Variants in DLC1 observed in about 807,000 individuals in gnomAD.
The protein encoded by DLC1 is rho GTPase-activating protein 7.
In DLC1, 54 loss-of-function variants were observed where a neutral mutation model predicts 140.3. The ratio of observed to expected loss-of-function variants is 0.38; its 90% CI spans 0.31 to 0.48. The LOEUF (loss-of-function observed/expected upper bound fraction) is 0.48. DLC1 is among the 20% of genes least tolerant of loss of function. The probability of loss-of-function intolerance (pLI) is 0.96; values close to 1 mark genes in which losing one functional copy is unlikely to be tolerated. For synonymous variants in DLC1, 986 were observed against 728.1 expected, an observed-to-expected ratio of 1.35 and a Z score of -5.70; for missense variants, 2,536 against 1,907.0, an observed-to-expected ratio of 1.33 and a Z score of -6.14.
Position 13,217,929 on chromosome 8 carries a change from C to G in DLC1, c.1348+87340G>C, listed in dbSNP as rs146590444. Among the ~76,000 whole-genome samples, 570 of 152,080 alleles carry G rather than the reference C, an allele frequency of 3.7e-3. 3 individuals carry two copies. Among genetic ancestry groups the G allele is most frequent in the African/African-American group, 0.013 (528 of 41,502 alleles). On this transcript the variant is annotated intron_variant, in intron 5 of 17. Coordinates refer to ENST00000276297, the MANE Select transcript of DLC1 (RefSeq NM_182643.3). ...TTTTCTTGGGTCAAGGGCTTGCGTC[C>G]TCTTTGATTCCTTTTTGCTCACTCT...
intron 5 of DLC1, among the ~76,000 whole-genome samples, chr8:13,217,724 G>A (rs948164489): frequency 1.3e-5 from 2 of 151,926 alleles, no homozygotes; most frequent in African/African-American, 4.8e-5. Flanking sequence ...TGTAGTCCCA[G>A]CTACTTGGGA....
chr8:13,333,186 C>T (rs957997542), intron 4 of DLC1, among the ~76,000 whole-genome samples: 1 of 152,072 alleles, frequency 6.6e-6, no homozygotes, highest in East Asian at 1.9e-4. Context: ...CAATGTTATA[C>T]AAGATTTTCT....
intron 2 of DLC1, among the ~76,000 whole-genome samples, chr8:13,432,578 G>C (rs976187641): frequency 6.6e-6 from 1 of 152,118 alleles, no homozygotes; most frequent in African/African-American, 2.4e-5. Context: ...TCAATTTTAA[G>C]GTTGATTTTT....
chr8:13,251,093 C>A (rs569234628), intron 5 of DLC1, among the ~76,000 whole-genome samples: 1 of 152,232 alleles, frequency 6.6e-6, no homozygotes, highest in East Asian at 1.9e-4. Flanking sequence ...TAGACAGCCA[C>A]CTTCTTGTCT....
intron 5 of DLC1, among the ~76,000 whole-genome samples, chr8:13,126,712 G>T (rs1200281518): frequency 6.6e-6 from 1 of 152,088 alleles, no homozygotes; most frequent in Non-Finnish European, 1.5e-5. Context: ...ATTATTAAAA[G>T]TTGGCATACA....
chr8:13,258,220 C>G (rs188293754), intron 5 of DLC1, among the ~76,000 whole-genome samples: 5 of 152,270 alleles, frequency 3.3e-5, no homozygotes, highest in East Asian at 1.9e-4. Flanking sequence ...TCAAATACCC[C>G]CTCCTTCACA....
intron 2 of DLC1, among the ~76,000 whole-genome samples, chr8:13,453,509 T>TATAC (rs1799237132): frequency 3.0e-5 from 1 of 32,832 alleles, no homozygotes; most frequent in African/African-American, 1.5e-4. Flanking sequence ...TATGTATATA[T>TATAC]ATATACATAT....
At position 13,282,797 on chromosome 8, in the gene DLC1, C is replaced by T. The variant is rs915131833; in HGVS notation, c.1348+22472G>A. 1.5e-4 allele frequency among the ~76,000 whole-genome samples: 23 copies of T among 152,086 alleles called. 1 individual carries two copies. The highest frequency in any genetic ancestry group is 1.1e-3 in the Admixed American group (17 of 15,276). On this transcript the variant is annotated intron_variant, in intron 5 of 17. Transcript: ENST00000276297. ...AACTGCTTTAAAATTGTGGTTATTG[C>T]AATTCATACTAGCTGTTTTATGTGT...
intron 1 of DLC1, among the ~76,000 whole-genome samples, chr8:13,571,148 C>A (rs1423310691): frequency 2.0e-5 from 3 of 152,140 alleles, no homozygotes; most frequent in Admixed American, 1.3e-4. Flanking sequence ...AATACGAACA[C>A]CAAAGATAGT....
chr8:13,107,807 C>G (rs1044417611), intron 7 of DLC1, among the ~76,000 whole-genome samples: 19 of 152,252 alleles, frequency 1.2e-4, no homozygotes, highest in African/African-American at 4.6e-4. Flanking sequence ...ATCCCCAGCC[C>G]TTTGGGAGCC....
At chr8:13,490,157 T>C (rs1369288647) in intron 2 of DLC1, among the ~76,000 whole-genome samples, 1 of 152,204 alleles carries the variant, frequency 6.6e-6, no homozygotes. Flanking sequence ...ATAATGATGC[T>C]ATTTCAATAT....
At chr8:13,437,312 CTAGCCTTCTTT>C (rs1197715523) in intron 2 of DLC1, among the ~76,000 whole-genome samples, 2 of 152,226 alleles carry the variant, frequency 1.3e-5, no homozygotes, top group South Asian at 2.1e-4. Flanking sequence ...AGACATGCTG[CTAGCCTTCTTT>C]TAGCCTTCTT....
At chr8:13,567,125 A>G (rs1373546425) in intron 1 of DLC1, 2 of 1,551,672 alleles carry the variant, frequency 1.3e-6, no homozygotes, top group Admixed American at 2.0e-5. Flanking sequence ...GGAGGACGGC[A>G]GTCCTCGCCC....
At chr8:13,150,352 T>A (rs1055544536) in intron 5 of DLC1, among the ~76,000 whole-genome samples, 1 of 152,246 alleles carries the variant, frequency 6.6e-6, no homozygotes, top group Non-Finnish European at 1.5e-5. Flanking sequence ...CAAATTACAT[T>A]AGACAGTGAT....
chr8:13,308,685 CA>C (rs1174914665), intron 4 of DLC1, among the ~76,000 whole-genome samples: 1 of 151,972 alleles, frequency 6.6e-6, no homozygotes. Context: ...AAAGAAGTTC[CA>C]AAAAAGGCAA....
intron 5 of DLC1, chr8:13,276,306 G>A: frequency 6.5e-7 from 1 of 1,535,490 alleles, no homozygotes; most frequent in South Asian, 1.2e-5. Flanking sequence ...GACATCCAGG[G>A]CTCTGGCCGT....
chr8:13,182,557 G>A (rs911604714), intron 5 of DLC1, among the ~76,000 whole-genome samples: 1 of 152,084 alleles, frequency 6.6e-6, no homozygotes, highest in African/African-American at 2.4e-5. Context: ...AGTTTTCCCA[G>A]CACCATTTAT....
At chr8:13,426,695 C>T (rs867043376) in intron 2 of DLC1, among the ~76,000 whole-genome samples, 6 of 152,126 alleles carry the variant, frequency 3.9e-5, no homozygotes, top group South Asian at 4.1e-4. Flanking sequence ...CCTTCTTCCT[C>T]GCAGATCTGT....
At chr8:13,531,977 C>T (rs567462795) in intron 1 of DLC1, among the ~76,000 whole-genome samples, 1 of 152,348 alleles carries the variant, frequency 6.6e-6, no homozygotes, top group Admixed American at 6.5e-5. Context: ...AGACTCTCCG[C>T]TCCCGGCACA....
Sources: gnomAD v4.1 joint callset for allele counts (sites outside exome capture counted in the v4.1 genomes callset) on GRCh38, gnomAD v4.1.1 for gene constraint, MANE v1.5 for transcripts, NCBI Gene and HGNC (gene_info 2026-07-23, HGNC 2026-07-21) for gene names.